The following TENM3 variants were observed in gnomAD, a reference collection of about 807,000 sequenced individuals.
The protein encoded by TENM3 is teneurin transmembrane protein 3, also known as teneurin-3.
Under a neutral mutation model 255.1 loss-of-function variants are expected in TENM3, and 63 were observed. The ratio of observed to expected loss-of-function variants is 0.25; its 90% CI spans 0.20 to 0.30. TENM3 has a LOEUF of 0.30. TENM3 is among the 10% of genes least tolerant of loss of function. The pLI is 1.00. For missense variants in TENM3, 2,929 were observed against 3,461.1 expected (o/e 0.85, Z 3.86); for synonymous variants, 1,306 against 1,322.3 (o/e 0.99, Z 0.27).
intron 12 of TENM3, among the ~76,000 whole-genome samples, chr4:182,692,212 C>G (rs1345347005): frequency 6.6e-6 from 1 of 152,186 alleles, no homozygotes. Context: ...TGGGACTGTC[C>G]TGTGGATGCA....
chr4:181,523,514 C>T, the TENM3 span, among the ~76,000 whole-genome samples: 52 of 152,088 alleles, frequency 3.4e-4, no homozygotes, highest in African/African-American at 1.1e-3. Context: ...AATAAAAACT[C>T]AGCCCTCATT....
At chr4:182,475,780 A>G (rs1733634419) in intron 3 of TENM3, among the ~76,000 whole-genome samples, 1 of 152,178 alleles carries the variant, frequency 6.6e-6, no homozygotes, top group African/African-American at 2.4e-5. Flanking sequence ...GATGGTTTTA[A>G]TGTCTGTCTG....
chr4:182,169,105 G>A (rs936276637), intron 1 of TENM3, among the ~76,000 whole-genome samples: 10 of 83,292 alleles, frequency 1.2e-4, no homozygotes, highest in African/African-American at 2.2e-4. Flanking sequence ...ACACACACAC[G>A]TGGGTGTGAA....
chr4:182,439,915 A>T (rs904693366), intron 3 of TENM3, among the ~76,000 whole-genome samples: 3 of 151,982 alleles, frequency 2.0e-5, no homozygotes, highest in Non-Finnish European at 4.4e-5. Flanking sequence ...CTGTCTCCCC[A>T]TTGGGTGAAC....
the TENM3 span, among the ~76,000 whole-genome samples, chr4:181,452,828 T>C: frequency 2.0e-5 from 3 of 152,194 alleles, no homozygotes; most frequent in Admixed American, 6.5e-5. Context: ...TAGATACTAA[T>C]GCCAAAAGAC....
At chr4:182,666,460 T>C (rs1036271349) in intron 6 of TENM3, among the ~76,000 whole-genome samples, 43 of 152,296 alleles carry the variant, frequency 2.8e-4, no homozygotes, top group Middle Eastern at 3.4e-3. Context: ...ACTCCAACCT[T>C]CAGCAACCAC....
the TENM3 span, among the ~76,000 whole-genome samples, chr4:181,479,401 A>G: frequency 6.6e-6 from 1 of 152,182 alleles, no homozygotes; most frequent in Non-Finnish European, 1.5e-5. Context: ...AAACTAGGAG[A>G]AGGATTTTGG....
At chr4:181,840,258 CT>C in the TENM3 span, among the ~76,000 whole-genome samples, 9 of 151,948 alleles carry the variant, frequency 5.9e-5, no homozygotes, top group Admixed American at 5.9e-4. Flanking sequence ...TTCTTTTTGA[CT>C]TTTTGAGACA....
the TENM3 span, among the ~76,000 whole-genome samples, chr4:181,955,730 G>A: frequency 2.0e-5 from 3 of 152,188 alleles, no homozygotes; most frequent in African/African-American, 7.2e-5. Flanking sequence ...ACGAAGGGCT[G>A]CCATGGTAGA....
chr4:181,622,122 A>C, the TENM3 span, among the ~76,000 whole-genome samples: 1 of 152,178 alleles, frequency 6.6e-6, no homozygotes, highest in Non-Finnish European at 1.5e-5. Context: ...GACTTTTCCA[A>C]GATAGTGATT....
chr4:182,629,943 T>C (rs1182995567), intron 5 of TENM3, among the ~76,000 whole-genome samples: 6 of 152,140 alleles, frequency 3.9e-5, no homozygotes, highest in Admixed American at 2.0e-4. Flanking sequence ...TTAGAGACAA[T>C]TGAGTCAGGA....
At chr4:181,952,421 G>GTA in the TENM3 span, among the ~76,000 whole-genome samples, 1 of 152,196 alleles carries the variant, frequency 6.6e-6, no homozygotes, top group Admixed American at 6.5e-5. Context: ...TTGAATTACT[G>GTA]TACAACACAT....
chr4:182,360,867 TC>T (rs1289246626), intron 3 of TENM3, among the ~76,000 whole-genome samples: 1 of 152,234 alleles, frequency 6.6e-6, no homozygotes, highest in Admixed American at 6.5e-5. Flanking sequence ...TACTAGTTGT[TC>T]CTTTCCATGT....
intron 3 of TENM3, among the ~76,000 whole-genome samples, chr4:182,445,609 TTA>T (rs1772850738): frequency 6.7e-6 from 1 of 149,570 alleles, no homozygotes. Flanking sequence ...TGTGGACTTT[TTA>T]TTTTTTTTTT....
intron 3 of TENM3, among the ~76,000 whole-genome samples, chr4:182,494,698 A>T (rs541252330): frequency 1.3e-5 from 2 of 152,244 alleles, no homozygotes; most frequent in East Asian, 1.9e-4. Context: ...GTAATTTCAG[A>T]TTTCTGTCAT....
the TENM3 span, among the ~76,000 whole-genome samples, chr4:182,022,872 C>T: frequency 6.6e-6 from 1 of 152,074 alleles, no homozygotes; most frequent in Non-Finnish European, 1.5e-5. Context: ...AATCCACCAC[C>T]CAAACCAGTT....
chr4:182,387,871 C>G (rs538786460), intron 3 of TENM3, among the ~76,000 whole-genome samples: 23 of 149,704 alleles, frequency 1.5e-4, no homozygotes, highest in African/African-American at 5.2e-4. Context: ...TTCTTGAAGT[C>G]AGTGAGACCA....
chr4:181,988,831 A>G, the TENM3 span, among the ~76,000 whole-genome samples: 8 of 151,754 alleles, frequency 5.3e-5, no homozygotes, highest in Non-Finnish European at 1.2e-4. Context: ...GACTTTGGAC[A>G]AGTTTATCAG....
chr4:182,048,515 G>T, the TENM3 span, among the ~76,000 whole-genome samples: 1 of 152,170 alleles, frequency 6.6e-6, no homozygotes, highest in African/African-American at 2.4e-5. Flanking sequence ...CAAATTTTTA[G>T]AAGAGTCAGA....
Sources: allele counts gnomAD v4.1 joint callset (sites outside exome capture counted in the v4.1 genomes callset), GRCh38; gene constraint gnomAD v4.1.1; transcripts MANE v1.5; gene names NCBI Gene and HGNC (gene_info 2026-07-23, HGNC 2026-07-21).